EPHB1: variants seen among roughly 807,000 people sequenced by gnomAD.
EPHB1 encodes the protein EPH receptor B1, also known as ephrin type-B receptor 1.
In EPHB1, 30 loss-of-function variants were observed where a neutral mutation model predicts 94.4. The observed-to-expected ratio is 0.32, with a 90% CI of 0.24 to 0.43. EPHB1 has a LOEUF of 0.43. Among genes scored for constraint, EPHB1 ranks in the 20% least tolerant of loss-of-function variants. The pLI is 1.00. For missense variants in EPHB1, 1,055 were observed against 1,308.3 expected (o/e 0.81, Z 2.99); for synonymous variants, 522 against 489.1 (o/e 1.07, Z -0.89).
At chr3:134,991,769 C>G (rs1302249253) in intron 3 of EPHB1, among the ~76,000 whole-genome samples, 1 of 152,192 alleles carries the variant, frequency 6.6e-6, no homozygotes, top group Non-Finnish European at 1.5e-5. Context: ...TTGCACCTCC[C>G]TTTCTTCCCT....
At chr3:135,150,277 T>A (rs1466068661) in intron 5 of EPHB1, among the ~76,000 whole-genome samples, 1 of 152,156 alleles carries the variant, frequency 6.6e-6, no homozygotes, top group African/African-American at 2.4e-5. Context: ...TCCGCAGAGG[T>A]CTGCAAGGGC....
chr3:135,030,118 C>T (rs377437742), intron 3 of EPHB1, among the ~76,000 whole-genome samples: 8 of 151,486 alleles, frequency 5.3e-5, no homozygotes, highest in East Asian at 1.9e-4. Flanking sequence ...TCTAGTTATA[C>T]ATTCTTCTAA....
chr3:134,889,484 C>T (rs73217032), intron 1 of EPHB1, among the ~76,000 whole-genome samples: 8,165 of 152,006 alleles, frequency 0.054, 269 homozygotes, highest in South Asian at 0.12. Flanking sequence ...AAGTAGATAT[C>T]CCTCTGGAAA....
chr3:134,885,670 C>T (rs574075124), intron 1 of EPHB1, among the ~76,000 whole-genome samples: 4 of 151,698 alleles, frequency 2.6e-5, no homozygotes, highest in African/African-American at 7.2e-5. Flanking sequence ...GGCTCCATAG[C>T]GGAGAACATT....
intron 3 of EPHB1, among the ~76,000 whole-genome samples, chr3:135,089,240 A>C (rs1183005383): frequency 2.0e-5 from 3 of 152,238 alleles, no homozygotes; most frequent in Non-Finnish European, 4.4e-5. Context: ...GCCTGCATTC[A>C]ATTCCCAGGT....
chr3:135,091,851 C>G (rs16842578), intron 3 of EPHB1, among the ~76,000 whole-genome samples: 16,925 of 152,164 alleles, frequency 0.11, 1,239 homozygotes, highest in African/African-American at 0.21. Context: ...TATGTGTGCC[C>G]TCGTAGCCAG....
chr3:135,192,116 G>A (rs1376446346), intron 10 of EPHB1, among the ~76,000 whole-genome samples: 1 of 152,196 alleles, frequency 6.6e-6, no homozygotes, highest in Non-Finnish European at 1.5e-5. Context: ...TGCTCTCCCA[G>A]CAGTGTAGGA....
intron 1 of EPHB1, among the ~76,000 whole-genome samples, chr3:134,803,946 G>A (rs1301277041): frequency 6.6e-6 from 1 of 151,930 alleles, no homozygotes. Context: ...TCACTCTTTG[G>A]AGTTGTCCCA....
chr3:135,203,857 C>G (rs1942825011), intron 12 of EPHB1, among the ~76,000 whole-genome samples: 1 of 152,192 alleles, frequency 6.6e-6, no homozygotes, highest in Non-Finnish European at 1.5e-5. Context: ...AACATTCACA[C>G]TCTACCAGGA....
intron 3 of EPHB1, among the ~76,000 whole-genome samples, chr3:134,996,578 A>G (rs112108366): frequency 3.0e-4 from 45 of 152,270 alleles, no homozygotes; most frequent in African/African-American, 8.9e-4. Context: ...AAAATTCCCA[A>G]TGGCTGTTTA....
chr3:134,906,353 C>T (rs1472551559), intron 1 of EPHB1, among the ~76,000 whole-genome samples: 1 of 152,102 alleles, frequency 6.6e-6, no homozygotes, highest in Non-Finnish European at 1.5e-5. Context: ...CATTGAGTAT[C>T]CTCTGGGTTC....
chr3:135,162,704 T>C (rs1426826703), intron 7 of EPHB1, among the ~76,000 whole-genome samples: 2 of 152,196 alleles, frequency 1.3e-5, no homozygotes, highest in Non-Finnish European at 2.9e-5. Context: ...CCAGAGAGAA[T>C]AGCCAAGGTG....
chr3:135,131,807 C>A (rs1199110436), intron 4 of EPHB1, among the ~76,000 whole-genome samples: 2 of 152,118 alleles, frequency 1.3e-5, no homozygotes, highest in African/African-American at 4.8e-5. Flanking sequence ...TCCCAGTGAG[C>A]CTGTCTGGTT....
At chr3:134,944,116 G>A (rs1422495929) in intron 2 of EPHB1, among the ~76,000 whole-genome samples, 1 of 151,910 alleles carries the variant, frequency 6.6e-6, no homozygotes, top group Non-Finnish European at 1.5e-5. Flanking sequence ...GTTTGTAGTC[G>A]CTCCCCATTT....
At chr3:135,226,158 A>T (rs184330519) in intron 12 of EPHB1, among the ~76,000 whole-genome samples, 1 of 152,350 alleles carries the variant, frequency 6.6e-6, no homozygotes, top group East Asian at 1.9e-4. Context: ...AGCTGTGGGC[A>T]GCTTGGCCCA....
intron 3 of EPHB1, among the ~76,000 whole-genome samples, chr3:135,080,604 G>A (rs1390909485): frequency 1.3e-5 from 2 of 152,096 alleles, no homozygotes; most frequent in Non-Finnish European, 2.9e-5. Flanking sequence ...GGGGTTCAGA[G>A]ACTGGGGTGG....
At chr3:135,146,036 A>C (rs3821504) in intron 5 of EPHB1, among the ~76,000 whole-genome samples, 6,340 of 152,286 alleles carry the variant, frequency 0.042, 226 homozygotes, top group South Asian at 0.2. Flanking sequence ...ACTTTATTGC[A>C]CTGATGGAGA....
chr3:135,250,574 C>T (rs1328789383), intron 15 of EPHB1, among the ~76,000 whole-genome samples: 1 of 152,012 alleles, frequency 6.6e-6, no homozygotes, highest in Admixed American at 6.6e-5. Context: ...TTTTTTAAAG[C>T]TCCTCAGGTG....
chr3:134,957,485 A>G (rs995293067), intron 3 of EPHB1, among the ~76,000 whole-genome samples: 1 of 152,210 alleles, frequency 6.6e-6, no homozygotes, highest in African/African-American at 2.4e-5. Context: ...CCTACAGGCC[A>G]CCAGGAGGAA....
Sources: allele counts gnomAD v4.1 joint callset (sites outside exome capture counted in the v4.1 genomes callset), GRCh38; gene constraint gnomAD v4.1.1; transcripts MANE v1.5; gene names NCBI Gene and HGNC (gene_info 2026-07-23, HGNC 2026-07-21).